The following EHMT1 variants were observed in gnomAD, a reference collection of about 807,000 sequenced individuals.
EHMT1 encodes histone-lysine N-methyltransferase EHMT1.
EHMT1 carries 15 observed loss-of-function variants against 147.2 expected under a neutral mutation model. That is an observed-to-expected ratio of 0.10 (90% confidence interval 0.07 to 0.16). The LOEUF (loss-of-function observed/expected upper bound fraction) is 0.16, where lower values mean the gene tolerates loss of function less well. Among genes scored for constraint, EHMT1 ranks in the 10% least tolerant of loss-of-function variants. EHMT1 has a pLI of 1.00. For missense variants in EHMT1, 1,587 were observed against 1,772.4 expected (o/e 0.90, Z 1.88); for synonymous variants, 795 against 709.6 (o/e 1.12, Z -1.91).
At chr9:137,619,926 G>A (rs780166075) in intron 1 of EHMT1, 7 of 152,080 alleles carry the variant, frequency 4.6e-5, no homozygotes, top group Non-Finnish European at 7.4e-5. Context: ...GGACCGGTTT[G>A]GAGAAAACTG....
intron 4 of EHMT1, among the ~76,000 whole-genome samples, chr9:137,733,667 A>G (rs1007446377): frequency 6.6e-6 from 1 of 152,178 alleles, no homozygotes; most frequent in Non-Finnish European, 1.5e-5. Context: ...CCAGGTGCAT[A>G]CAGAGAGGCC....
rs569088007 is a variant in EHMT1 at position 137,779,571 on chromosome 9, A to G, written c.2193-64A>G. 8.2e-6 allele frequency: 13 copies of G among 1,583,604 alleles called. No individual in the cohort carries two copies. The African/African-American group carries it at 1.1e-4, about 13-fold the overall frequency. ...TGGGGAGATGTCCGCCGGGCCTTCCAGCCTTCAGCTTCATGTGTGGGATGC... is the reference window on the plus strand; with the variant it reads ...TGGGGAGATGTCCGCCGGGCCTTCCGGCCTTCAGCTTCATGTGTGGGATGC... On this transcript the variant is annotated intron_variant, in intron 13 of 26. Transcript: ENST00000460843.
intron 18 of EHMT1, among the ~76,000 whole-genome samples, chr9:137,807,465 A>G (rs978840650): frequency 1.4e-5 from 2 of 145,802 alleles, no homozygotes; most frequent in African/African-American, 2.6e-5. Context: ...AGTTATACCA[A>G]TGGCTTTATT....
intron 1 of EHMT1, among the ~76,000 whole-genome samples, chr9:137,650,666 CTTTTT>C (rs75230304): frequency 1.6e-5 from 2 of 121,592 alleles, no homozygotes; most frequent in African/African-American, 3.2e-5. Flanking sequence ...GGACCCCCCG[CTTTTT>C]TTTTTTTTTT....
rs1032368509 is a variant in EHMT1 at position 137,813,967 on chromosome 9, G to T, written c.3180+437G>T. The stretch of plus-strand genomic sequence containing the variant: ...AGCCTCCGAGTGCATGCAGCCTGGT[G>T]CCCTCACTGCTTGCGCCTTCTCGAG... On this transcript the variant is annotated intron_variant, in intron 21 of 26. Transcript: ENST00000460843. The surrounding 1 kb of genome is among the most constrained non-coding windows in gnomAD (Gnocchi z 4.9). Among the ~76,000 whole-genome samples the T allele has an allele frequency of 6.6e-6, 1 of 151,232 alleles. No homozygotes were observed. Among genetic ancestry groups the T allele is most frequent in the African/African-American group, 2.4e-5 (1 of 40,990 alleles).
At chr9:137,639,872 TG>T (rs1844356391) in intron 1 of EHMT1, among the ~76,000 whole-genome samples, 1 of 152,224 alleles carries the variant, frequency 6.6e-6, no homozygotes, top group African/African-American at 2.4e-5. Flanking sequence ...GAGGAGGAGC[TG>T]TGATATCAGA....
intron 1 of EHMT1, among the ~76,000 whole-genome samples, chr9:137,627,166 C>T (rs1364103455): frequency 6.6e-6 from 1 of 151,832 alleles, no homozygotes; most frequent in Non-Finnish European, 1.5e-5. Context: ...ACCATGTTGG[C>T]CAGGCTGGTC....
At chr9:137,641,230 G>A in intron 1 of EHMT1, 1 of 422,960 alleles carries the variant, frequency 2.4e-6, no homozygotes, top group South Asian at 1.9e-5. Context: ...TCTTCCTACT[G>A]GCTTTATTCT....
chr9:137,632,384 C>T (rs886600056), intron 1 of EHMT1, among the ~76,000 whole-genome samples: 4 of 152,146 alleles, frequency 2.6e-5, no homozygotes, highest in Non-Finnish European at 5.9e-5. Context: ...CCCAGTTCCC[C>T]TTGAAAATGC....
chr9:137,651,776 C>G (rs1386412715), intron 1 of EHMT1, among the ~76,000 whole-genome samples: 1 of 152,014 alleles, frequency 6.6e-6, no homozygotes. Flanking sequence ...GCCTGAGTGA[C>G]AGCGAGACGC....
intron 15 of EHMT1, chr9:137,785,849 G>A (rs1951920077): frequency 6.6e-6 from 1 of 152,256 alleles, no homozygotes; most frequent in African/African-American, 2.4e-5. Flanking sequence ...CCCGGGAACA[G>A]CAGCCGTTTT....
At chr9:137,630,237 A>G (rs1323615073) in intron 1 of EHMT1, among the ~76,000 whole-genome samples, 1 of 152,242 alleles carries the variant, frequency 6.6e-6, no homozygotes, top group Non-Finnish European at 1.5e-5. Context: ...AAGAGGACAT[A>G]CAAAGTTTTG....
Position 137,743,411 on chromosome 9 carries a change from G to A in EHMT1, c.864G>A (p.Lys288=). 1 of 1,610,458 alleles carries A rather than the reference G, an allele frequency of 6.2e-7. No homozygotes were observed. Among genetic ancestry groups the A allele is most frequent in the Non-Finnish European group, 8.5e-7 (1 of 1,179,496 alleles). Residue 288 remains lysine (K), a synonymous_variant, in exon 5 of 27, where the codon AAG becomes AAA. Transcript: ENST00000460843. ...PFVLAAAVSR[K]KKRRMGTYSL... ...TTTTAGCAGCTGCAGTATCTCGGAA[G>A]AAAAAACGAAGAATGGGAACCTATA...
intron 4 of EHMT1, among the ~76,000 whole-genome samples, chr9:137,740,609 C>T (rs1947971741): frequency 6.6e-6 from 1 of 152,210 alleles, no homozygotes; most frequent in South Asian, 2.1e-4. Context: ...CGTGCTCAAA[C>T]ACTTTCAGGT....
intron 1 of EHMT1, among the ~76,000 whole-genome samples, chr9:137,685,111 A>G (rs1053146909): frequency 5.9e-5 from 9 of 152,030 alleles, no homozygotes; most frequent in African/African-American, 2.2e-4. Context: ...AAATTTTACT[A>G]CTTTAGCCAT....
At chr9:137,725,893 G>A (rs868714472) in intron 3 of EHMT1, among the ~76,000 whole-genome samples, 4 of 152,126 alleles carry the variant, frequency 2.6e-5, no homozygotes, top group Middle Eastern at 3.4e-3. Flanking sequence ...GTTCTCCTCC[G>A]TGTGCTCTTG....
At chr9:137,808,838 G>A (rs1334504434) in intron 18 of EHMT1, among the ~76,000 whole-genome samples, 5 of 152,128 alleles carry the variant, frequency 3.3e-5, no homozygotes, top group African/African-American at 2.4e-5. Flanking sequence ...CACGAGAATC[G>A]CTTGAACCCC....
chr9:137,811,675 G>A lies in EHMT1; in HGVS notation c.2867+60G>A, dbSNP rs11789684. ...CTGACCTGACCTGGGCGCCCAGAGA[G>A]ACCGCTTGACAGTCTTGTGTTCACA... On this transcript the variant is annotated intron_variant, in intron 19 of 26. Coordinates refer to ENST00000460843, the MANE Select transcript of EHMT1 (RefSeq NM_024757.5). 965,460 of 1,595,466 alleles carry A rather than the reference G, an allele frequency of 0.61. 301,009 individuals carry two copies. The highest frequency in any genetic ancestry group is 0.9 in the East Asian group (40,075 of 44,730).
intron 1 of EHMT1, among the ~76,000 whole-genome samples, chr9:137,708,036 A>G (rs1005021303): frequency 1.3e-5 from 2 of 152,218 alleles, no homozygotes; most frequent in Non-Finnish European, 2.9e-5. Context: ...AGAAATGAAA[A>G]CTGAAAAGTT....
Sources: allele counts gnomAD v4.1 joint callset (sites outside exome capture counted in the v4.1 genomes callset), GRCh38; gene constraint gnomAD v4.1.1; non-coding constraint Gnocchi (gnomAD v3.1); transcripts MANE v1.5; gene names NCBI Gene and HGNC (gene_info 2026-07-23, HGNC 2026-07-21).